BLTP3B: variants seen among roughly 807,000 people sequenced by gnomAD.
BLTP3B encodes the protein bridge-like lipid transfer protein family member 3B.
the BLTP3B span, among the ~76,000 whole-genome samples, chr12:100,111,351 T>G: frequency 6.2e-4 from 86 of 139,472 alleles, no homozygotes; most frequent in South Asian, 1.4e-3. Flanking sequence ...TGGAGTGCAG[T>G]GGTGTGATCA....
the BLTP3B span, among the ~76,000 whole-genome samples, chr12:100,127,826 C>T: frequency 6.6e-6 from 1 of 152,026 alleles, no homozygotes; most frequent in African/African-American, 2.4e-5. Context: ...CCAGCCTGGG[C>T]AACATAGTGA....
At chr12:100,083,590 T>C in the BLTP3B span, among the ~76,000 whole-genome samples, 1 of 152,058 alleles carries the variant, frequency 6.6e-6, no homozygotes, top group Non-Finnish European at 1.5e-5. Flanking sequence ...ACTTAACTAA[T>C]AAATGTCTGA....
At chr12:100,121,816 C>A in the BLTP3B span, among the ~76,000 whole-genome samples, 2 of 151,942 alleles carry the variant, frequency 1.3e-5, no homozygotes, top group Non-Finnish European at 2.9e-5. Flanking sequence ...GCAACAAGAG[C>A]GAAAGTCCGT....
chr12:100,041,428 ACTT>A, the BLTP3B span, among the ~76,000 whole-genome samples: 1 of 122,450 alleles, frequency 8.2e-6, no homozygotes, highest in South Asian at 2.4e-4. Context: ...TGCTATTGTT[ACTT>A]TTTTTTTTTT....
At chr12:100,053,044 C>T in the BLTP3B span, among the ~76,000 whole-genome samples, 5 of 151,846 alleles carry the variant, frequency 3.3e-5, no homozygotes, top group Admixed American at 2.0e-4. Context: ...CCACCCGCCT[C>T]GGCCTCCCAA....
At chr12:100,114,267 G>A in the BLTP3B span, among the ~76,000 whole-genome samples, 2 of 152,070 alleles carry the variant, frequency 1.3e-5, no homozygotes, top group African/African-American at 2.4e-5. Context: ...GGTTGACATG[G>A]CATCTAGGCT....
At chr12:100,109,757 C>A in the BLTP3B span, among the ~76,000 whole-genome samples, 2 of 142,522 alleles carry the variant, frequency 1.4e-5, no homozygotes, top group African/African-American at 2.8e-5. Flanking sequence ...CACAGTGAGA[C>A]CCTGTCTCAG....
the BLTP3B span, among the ~76,000 whole-genome samples, chr12:100,101,203 G>A: frequency 6.6e-6 from 1 of 152,194 alleles, no homozygotes; most frequent in Non-Finnish European, 1.5e-5. Flanking sequence ...TCTTTTCCCA[G>A]TCACTAATAT....
At chr12:100,108,777 A>G in the BLTP3B span, among the ~76,000 whole-genome samples, 1 of 152,202 alleles carries the variant, frequency 6.6e-6, no homozygotes, top group African/African-American at 2.4e-5. Context: ...GAACTGGAGG[A>G]CACTACAGTT....
chr12:100,116,902 A>G, the BLTP3B span, among the ~76,000 whole-genome samples: 1 of 152,212 alleles, frequency 6.6e-6, no homozygotes, highest in Non-Finnish European at 1.5e-5. Flanking sequence ...TGCAGGATAT[A>G]AGGCCAATAT....
the BLTP3B span, chr12:100,057,893 A>G: frequency 3.9e-4 from 507 of 1,297,922 alleles, 2 homozygotes; most frequent in South Asian, 7.0e-4. Flanking sequence ...TCATATTTTG[A>G]AACATCTACT....
At chr12:100,075,734 T>C in the BLTP3B span, among the ~76,000 whole-genome samples, 2,087 of 152,280 alleles carry the variant, frequency 0.014, 18 homozygotes, top group Non-Finnish European at 0.021. Flanking sequence ...TATGAAACAA[T>C]GCTCAATACA....
At chr12:100,085,286 G>A in the BLTP3B span, among the ~76,000 whole-genome samples, 1 of 151,972 alleles carries the variant, frequency 6.6e-6, no homozygotes, top group Non-Finnish European at 1.5e-5. Context: ...GGAGGCTGAG[G>A]CAGAAGGTCG....
chr12:100,101,719 T>C, the BLTP3B span, among the ~76,000 whole-genome samples: 1 of 152,210 alleles, frequency 6.6e-6, no homozygotes, highest in Non-Finnish European at 1.5e-5. Context: ...TTTTCATCTA[T>C]CAAAATACAA....
chr12:100,052,976 G>A, the BLTP3B span, among the ~76,000 whole-genome samples: 1 of 151,206 alleles, frequency 6.6e-6, no homozygotes, highest in African/African-American at 2.4e-5. Flanking sequence ...TGTATTTTTA[G>A]TAGAGACGGG....
At chr12:100,098,423 A>G in the BLTP3B span, 1 of 1,614,098 alleles carries the variant, frequency 6.2e-7, no homozygotes, top group South Asian at 1.1e-5. Context: ...TTTACACTAT[A>G]GATCCGAAGC....
chr12:100,058,997 A>G, the BLTP3B span: 12 of 1,614,042 alleles, frequency 7.4e-6, no homozygotes, highest in African/African-American at 1.6e-4. Flanking sequence ...TCAATCGGCC[A>G]GCCAGATCAC....
the BLTP3B span, among the ~76,000 whole-genome samples, chr12:100,043,211 T>C: frequency 6.6e-6 from 1 of 152,246 alleles, no homozygotes; most frequent in East Asian, 1.9e-4. Flanking sequence ...CTTGCTTTAC[T>C]GTGATACTCA....
At chr12:100,048,268 C>T in the BLTP3B span, 2 of 1,455,046 alleles carry the variant, frequency 1.4e-6, no homozygotes, top group African/African-American at 1.4e-5. Flanking sequence ...CCATGTAGTA[C>T]ATTAAAATAA....
Sources: allele counts gnomAD v4.1 joint callset (sites outside exome capture counted in the v4.1 genomes callset), GRCh38; gene constraint gnomAD v4.1.1; transcripts MANE v1.5; gene names NCBI Gene and HGNC (gene_info 2026-07-23, HGNC 2026-07-21).